PEAK3: variants seen among roughly 807,000 people sequenced by gnomAD.
PEAK3 encodes protein PEAK3.
PEAK3 carries 15 observed loss-of-function variants against 13.3 expected under a neutral mutation model. That is an observed-to-expected ratio of 1.13 (90% CI 0.75 to 1.73). The LOEUF (loss-of-function observed/expected upper bound fraction) is 1.73, where lower values mean the gene tolerates loss of function less well. Among genes scored for constraint, PEAK3 ranks in the 40% most tolerant of loss-of-function variants. PEAK3 has a pLI of 0.00. For synonymous variants in PEAK3, 347 were observed against 341.9 expected, an observed-to-expected ratio of 1.01 and a Z score of -0.17; for missense variants, 739 against 690.2, an observed-to-expected ratio of 1.07 and a Z score of -0.79.
Position 2,275,332 on chromosome 19 carries a change from C to G in PEAK3, c.*348G>C. On this transcript the variant is annotated 3_prime_UTR_variant, in exon 4 of 4. Transcript: ENST00000342063. ...CATGGAGACAATGACAGAACCCACG[C>G]GGAAGAGCGCCCTGGCTGCTGGGGA... 5.1e-6 allele frequency: 1 copy of G among 196,734 alleles called. No individual in the cohort carries two copies. The highest frequency in any genetic ancestry group is 1.0e-5 in the Non-Finnish European group (1 of 99,830). The allele number at this position is 196,734 out of a possible 1,614,324, so 12.2% of individuals were successfully genotyped here. A position where few individuals can be genotyped will look rare whatever the true frequency, so the allele number is the denominator to read the frequency against.
At chr19:2,276,905 C>T (rs536237754) in intron 3 of PEAK3, among the ~76,000 whole-genome samples, 2 of 152,114 alleles carry the variant, frequency 1.3e-5, no homozygotes, top group Non-Finnish European at 2.9e-5. Context: ...CCAGCTACTT[C>T]GGAGGCTGAG....
chr19:2,280,997 G>T, intron 1 of PEAK3, 62 bp from the exon 2 acceptor site: 1 of 1,131,454 alleles, frequency 8.8e-7, no homozygotes, highest in East Asian at 2.7e-5. Flanking sequence ...GGCGACATGG[G>T]GAGGGGTCCG....
chr19:2,280,177 C>T (rs1482331834), intron 2 of PEAK3, among the ~76,000 whole-genome samples: 1 of 150,086 alleles, frequency 6.7e-6, no homozygotes, highest in Non-Finnish European at 1.5e-5. Flanking sequence ...ATTCTCCTGC[C>T]TCAGCCTCCC....
In PEAK3 at chr19:2,279,018, G is replaced by C. The variant is rs536991726; in HGVS notation, c.178C>G (p.Pro60Ala). The change falls in exon 3 of 4, where the codon CCC (proline) becomes GCC (alanine). Residue 60 changes from proline to alanine, a missense_variant. Pro to Ala is a conservative substitution (Grantham distance 27). Transcript: ENST00000342063. Reference sequence around the variant, plus strand: ...TGGGTCCGGGTTAGGATCTTCTTGGGCAGGGGTGGGGGCAGGGGCTCTGGG... The same window carrying C: ...TGGGTCCGGGTTAGGATCTTCTTGGCCAGGGGTGGGGGCAGGGGCTCTGGG... Reference protein sequence around the residue: ...TNPEPLPPPLPKKILTRTQSL... With the variant: ...TNPEPLPPPLAKKILTRTQSL... 1.1e-5 allele frequency: 17 copies of C among 1,549,478 alleles called. No homozygotes were observed. In the South Asian group the frequency reaches 1.8e-4, roughly 16 times the overall value.
rs1599156718 is a variant in PEAK3 at position 2,275,498 on chromosome 19, G to A, written c.*182C>T. On this transcript the variant is annotated 3_prime_UTR_variant, in exon 4 of 4. Coordinates refer to ENST00000342063, the MANE Select transcript of PEAK3 (RefSeq NM_198532.3). Reference sequence around the variant, plus strand: ...CCTGGAGGGGCAGCTGCATTCCTGGGAAGCCCTTGACCCACATCCCCAGCA... The same window carrying A: ...CCTGGAGGGGCAGCTGCATTCCTGGAAAGCCCTTGACCCACATCCCCAGCA... The A allele has an allele frequency of 1.2e-5, 6 of 486,462 alleles. No homozygotes were observed. The East Asian group carries it at 2.2e-4, about 18-fold the overall frequency. The allele number at this position is 486,462 out of a possible 1,614,324, so 30.1% of individuals were successfully genotyped here.
intron 1 of PEAK3, 38 bp downstream of exon 1, chr19:2,282,049 C>G (rs573035782): frequency 4.6e-5 from 7 of 152,574 alleles, no homozygotes; most frequent in African/African-American, 1.7e-4. Context: ...CAAAAAGTGG[C>G]CGCTTCTGTC....
At position 2,275,613 on chromosome 19, in the gene PEAK3, G is replaced by T. The variant is rs1281873739; in HGVS notation, c.*67C>A. 5.4e-6 allele frequency: 7 copies of T among 1,303,988 alleles called. No individual in the cohort carries two copies. The highest frequency in any genetic ancestry group is 5.9e-6 in the Non-Finnish European group (6 of 1,010,522). The allele number at this position is 1,303,988 out of a possible 1,614,324, so 80.8% of individuals were successfully genotyped here. A position where few individuals can be genotyped will look rare whatever the true frequency, so the allele number is the denominator to read the frequency against. On this transcript the variant is annotated 3_prime_UTR_variant, in exon 4 of 4. Coordinates refer to ENST00000342063, the MANE Select transcript of PEAK3 (RefSeq NM_198532.3). ...AGGGTGTCTTGGCTATCATGGAGAC[G>T]CTGACCTCAGCCCCAGCCCTGCCTC...
In PEAK3 at chr19:2,278,818, G is replaced by T; in HGVS notation, c.378C>A (p.Arg126=). Residue 126 remains arginine (R), a synonymous_variant, in exon 3 of 4, where the codon CGC becomes CGA. Coordinates refer to ENST00000342063, the MANE Select transcript of PEAK3 (RefSeq NM_198532.3). ...PADAPLGLSL[R]DLHSPEAVHT... is the part of the protein sequence containing the mutation. ...GCACAGCCTCCGGGCTGTGCAGATC[G>T]CGGAGGGAGAGGCCCAGTGGGGCGT... 3 of 1,592,630 alleles carry T rather than the reference G, an allele frequency of 1.9e-6. No individual in the cohort carries two copies. Among genetic ancestry groups the T allele is most frequent in the Non-Finnish European group, 1.7e-6 (2 of 1,170,144 alleles).
At position 2,275,917 on chromosome 19, in the gene PEAK3, C is replaced by A; in HGVS notation, c.1185G>T (p.Leu395=). The A allele has an allele frequency of 7.3e-7, 1 of 1,374,660 alleles. No individual in the cohort carries two copies. The highest frequency in any genetic ancestry group is 9.3e-7 in the Non-Finnish European group (1 of 1,071,680). The allele number at this position is 1,374,660 out of a possible 1,614,324, so 85.2% of individuals were successfully genotyped here. ...GCCCGGGCCCCCAGAGCAGCGCCTG[C>A]AGCGCGCCCCGCGTCCGGGACGCCG... is the stretch of plus-strand genomic sequence containing the variant. ...RPSASRTRGA[L]QALLWGPGPE... Residue 395 remains leucine, a synonymous_variant, in exon 4 of 4, where the codon CTG becomes CTT. Coordinates refer to ENST00000342063, the MANE Select transcript of PEAK3 (RefSeq NM_198532.3).
rs751637672 is a variant in PEAK3 at position 2,278,777 on chromosome 19, G to A, written c.419C>T (p.Ala140Val). The A allele has an allele frequency of 7.0e-6, 11 of 1,564,052 alleles. No homozygotes were observed. The highest frequency in any genetic ancestry group is 1.9e-5 in the Admixed American group (1 of 52,968). The change falls in exon 3 of 4, where the codon GCG becomes GTG. Residue 140 changes from alanine (A) to valine (V), a missense_variant. Physicochemically the swap from Ala to Val is moderately conservative, Grantham distance 64 (BLOSUM62 0). Coordinates refer to ENST00000342063, the MANE Select transcript of PEAK3 (RefSeq NM_198532.3). ...GGTACGGAGGCCCTGCAGCTGCCGCGCAGCCAGTGCAGTGTGCACAGCCTC... is the reference window on the plus strand; with the variant it reads ...GGTACGGAGGCCCTGCAGCTGCCGCACAGCCAGTGCAGTGTGCACAGCCTC... ...SPEAVHTALA[A>V]RQLQGLRTIY...
intron 3 of PEAK3, among the ~76,000 whole-genome samples, 155 bp from the exon 4 acceptor site, chr19:2,276,644 C>A (rs2025393473): frequency 6.6e-6 from 1 of 152,160 alleles, no homozygotes. Context: ...AGCAGGAGGT[C>A]AGTGTTAATT....
rs752604810 is a variant in PEAK3 at position 2,276,242 on chromosome 19, T to TGCA, written c.857_859dup (p.Leu286dup). On this transcript the variant is annotated inframe_insertion, in exon 4 of 4. Transcript: ENST00000342063. ...CAGGAACTTCAGGGCCGCGCTCAGC[T>TGCA]GCAGCAGCAGCAGGGCCACAGCCCA... is the stretch of plus-strand genomic sequence containing the variant. 24 of 1,587,418 alleles carry TGCA rather than the reference T, an allele frequency of 1.5e-5. 1 individual carries two copies. In the South Asian group the frequency reaches 2.1e-4, roughly 14 times the overall value.
At chr19:2,281,621 C>T (rs1183970189) in intron 1 of PEAK3, among the ~76,000 whole-genome samples, 1 of 147,086 alleles carries the variant, frequency 6.8e-6, no homozygotes, top group Non-Finnish European at 1.5e-5. Flanking sequence ...TCTCTGGGGC[C>T]CTGCTGTGTG....
intron 1 of PEAK3, among the ~76,000 whole-genome samples, chr19:2,281,828 C>T (rs543863923): frequency 1.3e-5 from 2 of 152,230 alleles, no homozygotes; most frequent in Non-Finnish European, 2.9e-5. Context: ...TGTCACCCAT[C>T]AATTTTCCAG....
At position 2,275,875 on chromosome 19, in the gene PEAK3, G is replaced by A. The variant is rs1366553135; in HGVS notation, c.1227C>T (p.Arg409=). 2.8e-6 allele frequency: 4 copies of A among 1,440,308 alleles called. No homozygotes were observed. The highest frequency in any genetic ancestry group is 5.6e-5 in the Admixed American group (2 of 35,884). The allele number at this position is 1,440,308 out of a possible 1,614,324, so 89.2% of individuals were successfully genotyped here. A position where few individuals can be genotyped will look rare whatever the true frequency, so the allele number is the denominator to read the frequency against. ...GGAGCCAGGGACCAAGCGGTGCTCC[G>A]CGGCCGCGCAGCTCAGGCCCGGGCC... The part of the protein sequence containing the change: ...LWGPGPELRG[R]GAPLGPWLRA... The change falls in exon 4 of 4, where the codon CGC becomes CGT. Residue 409 remains arginine, a synonymous_variant. Transcript: ENST00000342063.
rs984389237 is a variant in PEAK3, at chr19:2,276,565, C to T, written c.613-76G>A. 3.1e-6 allele frequency: 4 copies of T among 1,284,820 alleles called. No individual in the cohort carries two copies. In the African/African-American group the frequency reaches 4.5e-5, roughly 15 times the overall value. 79.6% of individuals were successfully genotyped at this position (1,284,820 alleles called of 1,614,324 possible). On this transcript the variant is annotated intron_variant, in intron 3 of 3. Transcript: ENST00000342063. ...CACCGCCTGCCCCAGTGCTACCTGCCCCGAAGCCTCCCACGCACACCCCCA... is the reference window on the plus strand; with the variant it reads ...CACCGCCTGCCCCAGTGCTACCTGCTCCGAAGCCTCCCACGCACACCCCCA...
At position 2,278,982 on chromosome 19, in the gene PEAK3, T is replaced by G. The variant is rs1599158910; in HGVS notation, c.214A>C (p.Thr72Pro). 1.9e-6 allele frequency: 3 copies of G among 1,561,830 alleles called. No individual in the cohort carries two copies. Among genetic ancestry groups the G allele is most frequent in the Non-Finnish European group, 2.6e-6 (3 of 1,148,360 alleles). ...KILTRTQSLP[T>P]RRTLHPSSIQ... Reference sequence around the variant, plus strand: ...GAGCTGGGATGGAGGGTCCTGCGGGTGGGCAGTGACTGGGTCCGGGTTAGG... The same window carrying G: ...GAGCTGGGATGGAGGGTCCTGCGGGGGGGCAGTGACTGGGTCCGGGTTAGG... Residue 72 changes from threonine (T) to proline (P), a missense_variant, in exon 3 of 4, where the codon ACC becomes CCC. Physicochemically the swap from Thr to Pro is conservative, Grantham distance 38 (BLOSUM62 -1). Transcript: ENST00000342063.
rs1219407467 is a variant in PEAK3, at chr19:2,278,671, G to C, written c.525C>G (p.Asp175Glu). 6.6e-7 allele frequency: 1 copy of C among 1,523,666 alleles called. No individual in the cohort carries two copies. The highest frequency in any genetic ancestry group is 8.8e-7 in the Non-Finnish European group (1 of 1,135,696). 94.4% of individuals were successfully genotyped at this position (1,523,666 alleles called of 1,614,324 possible). A position where few individuals can be genotyped will look rare whatever the true frequency, so the allele number is the denominator to read the frequency against. ...CCCCGCTCTCTGCGCAGGGTGAGCTGTCTAGGAGGCGGAAGCTGTGGCCGG... is the reference window on the plus strand; with the variant it reads ...CCCCGCTCTCTGCGCAGGGTGAGCTCTCTAGGAGGCGGAAGCTGTGGCCGG... ...CHPGHSFRLL[D>E]SSPCAESGDA... The change falls in exon 3 of 4, where the codon GAC becomes GAG. Residue 175 changes from aspartate (D) to glutamate (E), a missense_variant. Physicochemically the swap from Asp to Glu is conservative, Grantham distance 45. Coordinates refer to ENST00000342063, the MANE Select transcript of PEAK3 (RefSeq NM_198532.3).
Position 2,276,403 on chromosome 19 carries a change from C to T in PEAK3, c.699G>A (p.Leu233=). The T allele has an allele frequency of 2.5e-6, 4 of 1,599,018 alleles. No individual in the cohort carries two copies. The highest frequency in any genetic ancestry group is 1.7e-5 in the Admixed American group (1 of 59,672). ...GTGTGCCTTCAGGCACCAGGCCACA[C>T]AGCCCCTGCAGATTGAAGTGTGGAG... ...SLSPHFNLQG[L]CGLVPEGTLP... is the part of the protein sequence containing the mutation. Residue 233 remains leucine (L), a synonymous_variant, in exon 4 of 4, where the codon CTG becomes CTA. Coordinates refer to ENST00000342063, the MANE Select transcript of PEAK3 (RefSeq NM_198532.3).
Sources: gnomAD v4.1 joint callset for allele counts (sites outside exome capture counted in the v4.1 genomes callset) on GRCh38, gnomAD v4.1.1 for gene constraint, MANE v1.5 for transcripts, NCBI Gene and HGNC (gene_info 2026-07-23, HGNC 2026-07-21) for gene names.